The following ABLIM2 variants were observed in gnomAD, a reference collection of about 807,000 sequenced individuals.
ABLIM2 encodes actin-binding LIM protein 2.
ABLIM2 carries 53 observed loss-of-function variants against 97.7 expected under a neutral mutation model. The observed-to-expected ratio is 0.54, with a 90% confidence interval of 0.44 to 0.68. ABLIM2 has a LOEUF of 0.68. Among genes scored for constraint, ABLIM2 ranks in the 30% least tolerant of loss-of-function variants. The pLI is 0.00. For synonymous variants in ABLIM2, 361 were observed against 345.8 expected (o/e 1.04, Z -0.49); for missense variants, 835 against 867.2 (o/e 0.96, Z 0.47).
chr4:7,996,093 G>A lies in ABLIM2; in HGVS notation c.1619-3166C>T, dbSNP rs1239341667. Reference sequence around the variant, plus strand: ...GCCCGAGGGCCCCTCCAGCTGCAGCGGGAGCTCCTTATCAGCAAAGGTGCT... The same window carrying A: ...GCCCGAGGGCCCCTCCAGCTGCAGCAGGAGCTCCTTATCAGCAAAGGTGCT... On this transcript the variant is annotated intron_variant, in intron 16 of 20. Transcript: ENST00000447017. This position sits in a 1 kb window ranked among gnomAD's most constrained non-coding sequence, Gnocchi z 4.5. Among the ~76,000 whole-genome samples, 5 of 152,124 alleles carry A rather than the reference G, an allele frequency of 3.3e-5. No homozygotes were observed. In the East Asian group the frequency reaches 5.8e-4, roughly 18 times the overall value.
intron 1 of ABLIM2, among the ~76,000 whole-genome samples, chr4:8,157,006 C>G (rs572599482): frequency 1.3e-5 from 2 of 152,312 alleles, no homozygotes; most frequent in South Asian, 4.1e-4. Context: ...CAATGACCAT[C>G]CCAAACTACC....
In ABLIM2 at chr4:8,127,529, C is replaced by T. The variant is rs757248772; in HGVS notation, c.11-20892G>A. 60 of 1,289,628 alleles carry T rather than the reference C, an allele frequency of 4.7e-5. No homozygotes were observed. The highest frequency in any genetic ancestry group is 3.3e-4 in the South Asian group (27 of 81,030). 79.9% of individuals were successfully genotyped at this position (1,289,628 alleles called of 1,614,324 possible). On this transcript the variant is annotated intron_variant, in intron 1 of 20. Coordinates refer to ENST00000447017, the MANE Select transcript of ABLIM2 (RefSeq NM_001130083.2). The surrounding 1 kb of genome is among the most constrained non-coding windows in gnomAD (Gnocchi z 7.3). ...CCCAGCCGGATGGTCTGGGCAAAAG[C>T]GCAGTTTGGGGATTTACCTGTGTCT...
chr4:7,981,092 C>T (rs980612565), intron 20 of ABLIM2, among the ~76,000 whole-genome samples: 13 of 151,834 alleles, frequency 8.6e-5, no homozygotes, highest in Non-Finnish European at 1.3e-4. Flanking sequence ...TATAGGTGCC[C>T]ACCACAATGC....
chr4:8,104,241 C>T (rs570879491), intron 2 of ABLIM2, among the ~76,000 whole-genome samples: 19 of 152,332 alleles, frequency 1.2e-4, no homozygotes, highest in Admixed American at 1.0e-3. Flanking sequence ...ACCCACAGCT[C>T]GTGCACTCAC....
chr4:7,983,687 A>ACTGT, intron 18 of ABLIM2, 133 bp from the exon 19 acceptor site: 8 of 1,126,114 alleles, frequency 7.1e-6, no homozygotes, highest in Non-Finnish European at 9.2e-6. Flanking sequence ...ATGGTCCCCG[A>ACTGT]GCAGCCTGCA....
intron 17 of ABLIM2, among the ~76,000 whole-genome samples, chr4:7,985,534 C>T (rs1225563097): frequency 2.0e-5 from 3 of 152,200 alleles, no homozygotes; most frequent in East Asian, 1.9e-4. Context: ...CAAAGTCCAT[C>T]CACCCCAAAT....
chr4:7,981,736 G>A (rs1211133000), intron 20 of ABLIM2, among the ~76,000 whole-genome samples: 1 of 152,164 alleles, frequency 6.6e-6, no homozygotes, highest in Non-Finnish European at 1.5e-5. Context: ...TATTTTCCAG[G>A]CCCTGGGCAA....
At chr4:8,047,381 CCTCCTCTTT>C (rs1487873257) in intron 8 of ABLIM2, among the ~76,000 whole-genome samples, 10 of 151,516 alleles carry the variant, frequency 6.6e-5, no homozygotes, top group African/African-American at 1.9e-4. Flanking sequence ...TCCTCCTCCT[CCTCCTCTTT>C]CTCCTCCTCC....
chr4:8,009,900 C>T (rs563847046), intron 14 of ABLIM2, among the ~76,000 whole-genome samples: 99 of 152,230 alleles, frequency 6.5e-4, no homozygotes, highest in African/African-American at 2.2e-3. Context: ...CCCAAGGTCA[C>T]GGGCAAGTGG....
chr4:8,127,919 G>A lies in ABLIM2; in HGVS notation c.11-21282C>T, dbSNP rs776879394. Among the ~76,000 whole-genome samples the A allele has an allele frequency of 4.1e-4, 63 of 152,272 alleles. No individual in the cohort carries two copies. Among genetic ancestry groups the A allele is most frequent in the Non-Finnish European group, 6.8e-4 (46 of 68,014 alleles). ...CTCCATGTGTAGGGGCAGCAATAGT[G>A]AGCTCACAACCCCCACAGCCCCGCG... On this transcript the variant is annotated intron_variant, in intron 1 of 20. Transcript: ENST00000447017. The surrounding 1 kb of genome is among the most constrained non-coding windows in gnomAD (Gnocchi z 7.3).
chr4:8,068,792 T>C lies in ABLIM2; in HGVS notation c.676-7738A>G, dbSNP rs1293876193. 1.3e-5 allele frequency among the ~76,000 whole-genome samples: 2 copies of C among 152,252 alleles called. No homozygotes were observed. Among genetic ancestry groups the C allele is most frequent in the South Asian group, 2.1e-4 (1 of 4,836 alleles). On this transcript the variant is annotated intron_variant, in intron 6 of 20. Coordinates refer to ENST00000447017, the MANE Select transcript of ABLIM2 (RefSeq NM_001130083.2). The surrounding 1 kb of genome is among the most constrained non-coding windows in gnomAD (Gnocchi z 4.5). ...TCCCAGCAGCTGCTCCTCACAGTCA[T>C]CGGCCCAGTTCAGAGCTCTAGTTTC...
chr4:7,983,603 G>T (rs764007420), intron 18 of ABLIM2, 49 bp from the exon 19 acceptor site: 18 of 1,607,062 alleles, frequency 1.1e-5, no homozygotes, highest in Non-Finnish European at 1.5e-5. Context: ...GAAAGTGCAA[G>T]ATGTCGTCCA....
rs575198842 is a variant in ABLIM2, at chr4:7,984,698, G to A, written c.1735+141C>T. 1.1e-4 allele frequency: 97 copies of A among 844,796 alleles called. No homozygotes were observed. In the East Asian group the frequency reaches 1.8e-3, roughly 15 times the overall value. The allele number at this position is 844,796 out of a possible 1,614,324, so 52.3% of individuals were successfully genotyped here. On this transcript the variant is annotated intron_variant, in intron 18 of 20. Transcript: ENST00000447017. ...CCAGGAGAGGCAGGGAAACCAGCAC[G>A]CCCTCCCCCGAGGTGTCCCCGCCCG...
At chr4:8,151,157 A>T (rs1182773690) in intron 1 of ABLIM2, among the ~76,000 whole-genome samples, 1 of 152,186 alleles carries the variant, frequency 6.6e-6, no homozygotes, top group Admixed American at 6.5e-5. Context: ...TTGGGGCTGG[A>T]GCCCAGGTGT....
chr4:8,126,678 C>T (rs181192240), intron 1 of ABLIM2, among the ~76,000 whole-genome samples: 1 of 152,070 alleles, frequency 6.6e-6, no homozygotes, highest in South Asian at 2.1e-4. Context: ...GGTGCTACTG[C>T]GTGGTGTCCT....
Position 7,987,588 on chromosome 4 carries a change from G to T in ABLIM2, c.1681-2695C>A, listed in dbSNP as rs111385862. On this transcript the variant is annotated intron_variant, in intron 17 of 20. Transcript: ENST00000447017. Reference sequence around the variant, plus strand: ...GAAATGCTGCCCCCTAGTGCCCATCGCTCTGCATAACGGGCTTCCAAAACT... The same window carrying T: ...GAAATGCTGCCCCCTAGTGCCCATCTCTCTGCATAACGGGCTTCCAAAACT... Among the ~76,000 whole-genome samples, 1,107 of 152,248 alleles carry T rather than the reference G, an allele frequency of 7.3e-3. 8 individuals are homozygous for T. The highest frequency in any genetic ancestry group is 0.025 in the African/African-American group (1,048 of 41,530).
intron 10 of ABLIM2, among the ~76,000 whole-genome samples, chr4:8,031,452 G>A (rs916093926): frequency 2.0e-5 from 3 of 152,182 alleles, no homozygotes; most frequent in African/African-American, 4.8e-5. Flanking sequence ...AAAAGTCACC[G>A]GTACATAGGA....
At chr4:8,037,967 C>T (rs78127298) in intron 9 of ABLIM2, among the ~76,000 whole-genome samples, 3,289 of 152,338 alleles carry the variant, frequency 0.022, 104 homozygotes, top group African/African-American at 0.073. Flanking sequence ...TGTGCACGTG[C>T]TCTTGCCCCT....
chr4:8,071,798 T>C lies in ABLIM2; in HGVS notation c.675+5830A>G. The C allele has an allele frequency of 1.0e-6, 1 of 984,970 alleles. No homozygotes were observed. The highest frequency in any genetic ancestry group is 1.2e-6 in the Non-Finnish European group (1 of 829,898). 61.0% of individuals were successfully genotyped at this position (984,970 alleles called of 1,614,324 possible). ...ACAGCTTCTGGGCACCAGAGCCCAG[T>C]CTGACGGCCCTGCTTGAGTGCCGTG... On this transcript the variant is annotated intron_variant, in intron 6 of 20. Transcript: ENST00000447017. This position sits in a 1 kb window ranked among gnomAD's most constrained non-coding sequence, Gnocchi z 6.2.
Sources: allele counts gnomAD v4.1 joint callset (sites outside exome capture counted in the v4.1 genomes callset), GRCh38; gene constraint gnomAD v4.1.1; non-coding constraint Gnocchi (gnomAD v3.1); transcripts MANE v1.5; gene names NCBI Gene and HGNC (gene_info 2026-07-23, HGNC 2026-07-21).